Variants in GAB2 observed in about 807,000 individuals in gnomAD.
GAB2 encodes the protein GRB2-associated-binding protein 2.
Under a neutral mutation model 65.5 loss-of-function variants are expected in GAB2, and 26 were observed. The ratio of observed to expected loss-of-function variants is 0.40; its 90% CI spans 0.29 to 0.55. GAB2 has a LOEUF of 0.55. GAB2 is among the 20% of genes least tolerant of loss of function. The pLI is 0.53. For synonymous variants in GAB2, 321 were observed against 329.6 expected (o/e 0.97, Z 0.28); for missense variants, 884 against 875.8 (o/e 1.01, Z -0.12).
At chr11:78,313,171 A>G (rs1237697395) in intron 1 of GAB2, among the ~76,000 whole-genome samples, 1 of 152,006 alleles carries the variant, frequency 6.6e-6, no homozygotes, top group Non-Finnish European at 1.5e-5. Flanking sequence ...GCCTTAGTGT[A>G]TTCTTTGGGA....
intron 1 of GAB2, among the ~76,000 whole-genome samples, chr11:78,416,867 G>A (rs1175358413): frequency 6.6e-6 from 1 of 151,714 alleles, no homozygotes; most frequent in Admixed American, 6.6e-5. Flanking sequence ...CACCTAGAGG[G>A]AAAAGGCTGT....
chr11:78,371,670 G>C (rs1856572831), intron 1 of GAB2, among the ~76,000 whole-genome samples: 1 of 152,174 alleles, frequency 6.6e-6, no homozygotes, highest in African/African-American at 2.4e-5. Flanking sequence ...CATGCTTATA[G>C]CTGGGGCTAA....
At chr11:78,256,615 T>G (rs529937449) in intron 2 of GAB2, among the ~76,000 whole-genome samples, 1 of 151,820 alleles carries the variant, frequency 6.6e-6, no homozygotes. Flanking sequence ...TGCTGTGAGA[T>G]CATGTGTGGT....
chr11:78,294,187 C>T (rs550775773), intron 1 of GAB2, among the ~76,000 whole-genome samples: 25 of 152,146 alleles, frequency 1.6e-4, no homozygotes, highest in East Asian at 7.7e-4. Flanking sequence ...TTTGTCCTTG[C>T]GATAGTTTGC....
At chr11:78,231,149 AAGAT>A (rs941221063) in intron 3 of GAB2, among the ~76,000 whole-genome samples, 2 of 152,210 alleles carry the variant, frequency 1.3e-5, no homozygotes, top group African/African-American at 4.8e-5. Context: ...TTGGAGCAGG[AAGAT>A]ACTCAAACAC....
At chr11:78,227,691 T>C (rs1456667063) in intron 3 of GAB2, among the ~76,000 whole-genome samples, 1 of 150,902 alleles carries the variant, frequency 6.6e-6, no homozygotes, top group Non-Finnish European at 1.5e-5. Flanking sequence ...TCCTAGCTTC[T>C]GGTGAGGCTA....
chr11:78,375,741 T>G (rs1319323997), intron 1 of GAB2, among the ~76,000 whole-genome samples: 1 of 152,192 alleles, frequency 6.6e-6, no homozygotes, highest in East Asian at 1.9e-4. Flanking sequence ...AGCCTTCCAT[T>G]TTCCCTCTTT....
chr11:78,312,745 A>T (rs1855527254), intron 1 of GAB2, among the ~76,000 whole-genome samples: 1 of 152,180 alleles, frequency 6.6e-6, no homozygotes, highest in African/African-American at 2.4e-5. Context: ...CCAATTTTAA[A>T]GATGAAGAAA....
At chr11:78,379,978 A>G (rs1856677386) in intron 1 of GAB2, among the ~76,000 whole-genome samples, 1 of 152,248 alleles carries the variant, frequency 6.6e-6, no homozygotes, top group South Asian at 2.1e-4. Flanking sequence ...GGCAGTTATT[A>G]TGTAGGCAAA....
intron 3 of GAB2, among the ~76,000 whole-genome samples, chr11:78,231,263 A>C (rs1269056739): frequency 2.0e-5 from 3 of 151,810 alleles, no homozygotes; most frequent in African/African-American, 7.3e-5. Flanking sequence ...TTCCTGGCCA[A>C]TGGCTCTTCC....
intron 2 of GAB2, among the ~76,000 whole-genome samples, chr11:78,275,460 TTAAG>T (rs1866140793): frequency 6.6e-6 from 1 of 152,154 alleles, no homozygotes; most frequent in African/African-American, 2.4e-5. Flanking sequence ...GAATGAATTA[TTAAG>T]TTTTAATTTT....
intron 2 of GAB2, among the ~76,000 whole-genome samples, chr11:78,256,121 A>G (rs370901286): frequency 6.6e-6 from 1 of 152,266 alleles, no homozygotes. Flanking sequence ...ATGAATGTCC[A>G]TATCAGCATT....
intron 1 of GAB2, among the ~76,000 whole-genome samples, chr11:78,349,459 G>T (rs1209633338): frequency 3.3e-5 from 5 of 152,174 alleles, no homozygotes; most frequent in African/African-American, 1.2e-4. Flanking sequence ...AAAGTTTAAA[G>T]AACTCATTGA....
intron 1 of GAB2, among the ~76,000 whole-genome samples, chr11:78,326,861 G>A (rs1035345990): frequency 6.6e-6 from 1 of 152,010 alleles, no homozygotes; most frequent in Non-Finnish European, 1.5e-5. Flanking sequence ...TATGCTTTGG[G>A]AAAAAAAGTC....
intron 1 of GAB2, among the ~76,000 whole-genome samples, chr11:78,294,485 C>A (rs576408216): frequency 6.6e-6 from 1 of 152,192 alleles, no homozygotes; most frequent in East Asian, 1.9e-4. Context: ...CCTGAGGAAT[C>A]GCCACGCTGA....
At chr11:78,374,514 G>C (rs1856609520) in intron 1 of GAB2, among the ~76,000 whole-genome samples, 1 of 152,194 alleles carries the variant, frequency 6.6e-6, no homozygotes, top group Non-Finnish European at 1.5e-5. Context: ...AGATAAGTTA[G>C]TGAAGTTGTT....
At chr11:78,258,349 T>C (rs1030265453) in intron 2 of GAB2, among the ~76,000 whole-genome samples, 5 of 152,170 alleles carry the variant, frequency 3.3e-5, no homozygotes, top group Non-Finnish European at 5.9e-5. Context: ...AGAGCAAATA[T>C]TTCCAAAAAC....
intron 1 of GAB2, among the ~76,000 whole-genome samples, chr11:78,351,836 C>CT (rs1856283141): frequency 6.6e-6 from 1 of 152,094 alleles, no homozygotes; most frequent in South Asian, 2.1e-4. Context: ...TAATGGGAGT[C>CT]TTTAAAGAAT....
rs138595748 is a variant in GAB2, at chr11:78,383,993, G to A, written c.75+33653C>T. On this transcript the variant is annotated intron_variant, in intron 1 of 9. Transcript: ENST00000361507. ...GAGCTTCACTGCCCAGAGCAGCAGCGTGGCGACAGAGGCATAGTTGAGCAA... is the reference window on the plus strand; with the variant it reads ...GAGCTTCACTGCCCAGAGCAGCAGCATGGCGACAGAGGCATAGTTGAGCAA... Among the ~76,000 whole-genome samples the A allele has an allele frequency of 2.1e-3, 318 of 152,260 alleles. 1 individual carries two copies. The highest frequency in any genetic ancestry group is 7.2e-3 in the African/African-American group (299 of 41,544).
Sources: gnomAD v4.1 joint callset for allele counts (sites outside exome capture counted in the v4.1 genomes callset) on GRCh38, gnomAD v4.1.1 for gene constraint, MANE v1.5 for transcripts, NCBI Gene and HGNC (gene_info 2026-07-23, HGNC 2026-07-21) for gene names.